Variants in METTL3 observed in about 807,000 individuals in gnomAD.
The protein encoded by METTL3 is N(6)-adenosine-methyltransferase catalytic subunit METTL3.
Under a neutral mutation model 64.3 loss-of-function variants are expected in METTL3, and 42 were observed. The ratio of observed to expected loss-of-function variants is 0.65; its 90% CI spans 0.51 to 0.84. METTL3 has a LOEUF of 0.84. Among genes scored for constraint, METTL3 ranks in the 40% least tolerant of loss-of-function variants. The probability of loss-of-function intolerance (pLI) is 0.00; values close to 1 mark genes in which losing one functional copy is unlikely to be tolerated. For synonymous variants in METTL3, 256 were observed against 263.6 expected (o/e 0.97, Z 0.28); for missense variants, 435 against 722.3 (o/e 0.60, Z 4.56).
chr14:21,499,019 C>G lies in METTL3; in HGVS notation c.1631+6G>C. 6.2e-7 allele frequency: 1 copy of G among 1,604,424 alleles called. No individual in the cohort carries two copies. Among genetic ancestry groups the G allele is most frequent in the Middle Eastern group, 1.7e-4 (1 of 6,038 alleles). On this transcript the variant is annotated splice_donor_region_variant and intron_variant, in intron 10 of 10. Coordinates refer to ENST00000298717, the MANE Select transcript of METTL3 (RefSeq NM_019852.5). ...TGAGGACTAGCCTGTTCTCTGGTCA[C>G]CTTACCAGTTGGGTTGCACATTGTG...
chr14:21,509,928 T>A (rs370885594), intron 1 of METTL3, among the ~76,000 whole-genome samples: 6 of 152,314 alleles, frequency 3.9e-5, no homozygotes, highest in African/African-American at 1.4e-4. Flanking sequence ...GACTTGCACT[T>A]CTTACTCCAC....
At chr14:21,504,561 ACTC>A (rs1034544264) in intron 1 of METTL3, 3 of 152,230 alleles carry the variant, frequency 2.0e-5, no homozygotes, top group East Asian at 3.9e-4. Context: ...GAAATATTAA[ACTC>A]CTAAGAACTG....
chr14:21,505,317 G>T (rs111877755), intron 1 of METTL3, among the ~76,000 whole-genome samples: 1 of 152,190 alleles, frequency 6.6e-6, no homozygotes, highest in African/African-American at 2.4e-5. Flanking sequence ...AAATTTTTAA[G>T]TGAGAAATCT....
chr14:21,503,667 G>C lies in METTL3; in HGVS notation c.315C>G (p.Ser105=). 6.2e-7 allele frequency: 1 copy of C among 1,614,178 alleles called. No individual in the cohort carries two copies. The highest frequency in any genetic ancestry group is 8.5e-7 in the Non-Finnish European group (1 of 1,179,998). Residue 105 remains serine, a synonymous_variant, in exon 2 of 11, where the codon TCC becomes TCG. Coordinates refer to ENST00000298717, the MANE Select transcript of METTL3 (RefSeq NM_019852.5). ...TDAVSICLAI[S]TPDAPATQDG... Reference sequence around the variant, plus strand: ...CCTAACTCTGTCAGGTCATTACCGTGGAGATGGCAAGACAGATGGACACAG... The same window carrying C: ...CCTAACTCTGTCAGGTCATTACCGTCGAGATGGCAAGACAGATGGACACAG...
chr14:21,503,138 A>G, intron 3 of METTL3, 35 bp downstream of exon 3: 1 of 1,567,040 alleles, frequency 6.4e-7, no homozygotes, highest in Admixed American at 1.8e-5. Flanking sequence ...TATAATTAAG[A>G]GCATATTGTG....
chr14:21,506,476 C>T (rs1024427480), intron 1 of METTL3, among the ~76,000 whole-genome samples: 3 of 152,118 alleles, frequency 2.0e-5, no homozygotes, highest in Non-Finnish European at 2.9e-5. Flanking sequence ...ATGGGGTGAA[C>T]CCAGGAGGTG....
At chr14:21,508,480 G>T (rs906627617) in intron 1 of METTL3, among the ~76,000 whole-genome samples, 1 of 152,324 alleles carries the variant, frequency 6.6e-6, no homozygotes, top group East Asian at 1.9e-4. Flanking sequence ...GCATACAGCA[G>T]AAAGTTTGGT....
In METTL3 at chr14:21,503,352, G is replaced by T; in HGVS notation, c.544C>A (p.Gln182Lys). 1 of 1,614,162 alleles carries T rather than the reference G, an allele frequency of 6.2e-7. No homozygotes were observed. The highest frequency in any genetic ancestry group is 8.5e-7 in the Non-Finnish European group (1 of 1,180,030). Residue 182 changes from glutamine (Q) to lysine (K), a missense_variant, in exon 3 of 11, where the codon CAG becomes AAG. By Grantham distance (53) the Gln-to-Lys change is moderately conservative. Coordinates refer to ENST00000298717, the MANE Select transcript of METTL3 (RefSeq NM_019852.5). ...TVTGQKRRAE[Q>K]DSTTVAAFAS... ...AAGGCAGCTACTGTAGTCGAGTCCT[G>T]TTCTGCACGCCGCTTCTGCCCTGTG...
At chr14:21,509,080 C>G (rs973408327) in intron 1 of METTL3, among the ~76,000 whole-genome samples, 2 of 152,230 alleles carry the variant, frequency 1.3e-5, no homozygotes, top group Admixed American at 6.5e-5. Context: ...TGGCTCACGC[C>G]TGTAATCCCA....
At position 21,503,317 on chromosome 14, in the gene METTL3, C is replaced by T. The variant is rs143271477; in HGVS notation, c.579G>A (p.Ser193=). The change falls in exon 3 of 11, where the codon TCG becomes TCA. Residue 193 remains serine, a synonymous_variant. Transcript: ENST00000298717. ...DSTTVAAFAS[S]LVSGLNSSAS... The stretch of plus-strand genomic sequence containing the variant: ...CTGAAGAGTTCAGACCAGAGACTAA[C>T]GAACTGGCAAAGGCAGCTACTGTAG... The T allele has an allele frequency of 7.9e-4, 1,275 of 1,614,172 alleles. 1 individual carries two copies. The highest frequency in any genetic ancestry group is 1.0e-3 in the Non-Finnish European group (1,201 of 1,180,026).
In METTL3 at chr14:21,498,195, C is replaced by A. The variant is rs1891453939; in HGVS notation, c.*63G>T. 2 of 934,912 alleles carry A rather than the reference C, an allele frequency of 2.1e-6. No individual in the cohort carries two copies. Among genetic ancestry groups the A allele is most frequent in the Admixed American group, 1.9e-5 (1 of 53,276 alleles). 57.9% of individuals were successfully genotyped at this position (934,912 alleles called of 1,614,324 possible). A position where few individuals can be genotyped will look rare whatever the true frequency, so the allele number is the denominator to read the frequency against. ...AAGAAGAAAGCTATTGTACAAATAT[C>A]ACTCTTCAGGTTTAGCTTACAGAGC... On this transcript the variant is annotated 3_prime_UTR_variant, in exon 11 of 11. Transcript: ENST00000298717.
chr14:21,499,787 C>G lies in METTL3; in HGVS notation c.1320G>C (p.Gly440=). 1 of 1,613,290 alleles carries G rather than the reference C, an allele frequency of 6.2e-7. No individual in the cohort carries two copies. Among genetic ancestry groups the G allele is most frequent in the South Asian group, 1.1e-5 (1 of 91,052 alleles). ...ACCCCCAGAGGTTTAGACATTCTCT[C>G]CCCAACTCCATGGCCCTAGAAAGAA... is the stretch of plus-strand genomic sequence containing the variant. ...LWVTGRAMEL[G]RECLNLWGYE... Residue 440 remains glycine (G), a synonymous_variant, in exon 7 of 11, where the codon GGG becomes GGC. Transcript: ENST00000298717.
intron 1 of METTL3, among the ~76,000 whole-genome samples, chr14:21,507,273 G>T (rs984866112): frequency 2.2e-4 from 34 of 152,080 alleles, no homozygotes; most frequent in African/African-American, 8.0e-4. Flanking sequence ...CACTATTAAC[G>T]ATGTGGTGGG....
intron 7 of METTL3, 37 bp downstream of exon 7, chr14:21,499,725 GTA>G: frequency 6.2e-7 from 1 of 1,600,882 alleles, no homozygotes; most frequent in Non-Finnish European, 8.6e-7. Flanking sequence ...CACTGTAACA[GTA>G]TTACCCTCAA....
intron 6 of METTL3, 96 bp downstream of exon 6, chr14:21,500,389 GTCATACATTT>G: frequency 9.0e-7 from 1 of 1,109,324 alleles, no homozygotes; most frequent in Non-Finnish European, 1.3e-6. Context: ...GACTAAATCA[GTCATACATTT>G]AATAGTGGGG....
At chr14:21,503,105 G>A in intron 3 of METTL3, 68 bp downstream of exon 3, 3 of 1,509,592 alleles carry the variant, frequency 2.0e-6, no homozygotes, top group Non-Finnish European at 1.8e-6. Flanking sequence ...TTGCCCTAGG[G>A]GTAAATCCCT....
In METTL3 at chr14:21,511,115, G is replaced by C; in HGVS notation, c.100+9C>G. On this transcript the variant is annotated intron_variant, in intron 1 of 10. Coordinates refer to ENST00000298717, the MANE Select transcript of METTL3 (RefSeq NM_019852.5). The stretch of plus-strand genomic sequence containing the variant: ...GTTGAGCCTCGGCCCCAACAGCCCA[G>C]TGCCTCACCCAAGTGCCCCGAGTCC... The C allele has an allele frequency of 6.2e-7, 1 of 1,613,766 alleles. No homozygotes were observed. The highest frequency in any genetic ancestry group is 8.5e-7 in the Non-Finnish European group (1 of 1,179,854).
intron 10 of METTL3, 46 bp downstream of exon 10, chr14:21,498,979 T>C (rs1308979386): frequency 7.5e-7 from 1 of 1,339,166 alleles, no homozygotes. Context: ...TCCTTAATCA[T>C]AAATAATAGC....
chr14:21,499,871 G>T, intron 6 of METTL3, 69 bp from the exon 7 acceptor site: 2 of 1,438,704 alleles, frequency 1.4e-6, no homozygotes, highest in Non-Finnish European at 1.9e-6. Flanking sequence ...TATGTGATGT[G>T]TTAAAAACAC....
Sources: allele counts gnomAD v4.1 joint callset (sites outside exome capture counted in the v4.1 genomes callset), GRCh38; gene constraint gnomAD v4.1.1; transcripts MANE v1.5; gene names NCBI Gene and HGNC (gene_info 2026-07-23, HGNC 2026-07-21).